The following CNIH3 variants were observed in gnomAD, a reference collection of about 807,000 sequenced individuals.
CNIH3 encodes the protein cornichon family AMPA receptor auxiliary protein 3.
Under a neutral mutation model 24.1 loss-of-function variants are expected in CNIH3, and 14 were observed. That is an observed-to-expected ratio of 0.58 (90% CI 0.38 to 0.91). The LOEUF (loss-of-function observed/expected upper bound fraction) is 0.91, where lower values mean the gene tolerates loss of function less well. Ranked by LOEUF, CNIH3 falls within the 40% of genes least tolerant of loss-of-function variation. The pLI, the probability that CNIH3 is intolerant of heterozygous loss-of-function variation, is 0.00. For synonymous variants in CNIH3, 68 were observed against 73.8 expected (o/e 0.92, Z 0.40); for missense variants, 178 against 196.8 (o/e 0.90, Z 0.57).
At chr1:224,674,311 A>G (rs1260867639) in intron 1 of CNIH3, among the ~76,000 whole-genome samples, 2 of 69,752 alleles carry the variant, frequency 2.9e-5, no homozygotes, top group South Asian at 4.4e-4. Flanking sequence ...TTTTTTTGCC[A>G]TAGTACAGCA....
intron 1 of CNIH3, among the ~76,000 whole-genome samples, chr1:224,440,375 G>A (rs960861695): frequency 1.3e-5 from 2 of 152,116 alleles, no homozygotes; most frequent in Non-Finnish European, 2.9e-5. Context: ...AACTACAGGT[G>A]CACACCACCT....
At chr1:224,659,845 G>C (rs894546189) in intron 1 of CNIH3, among the ~76,000 whole-genome samples, 1 of 152,196 alleles carries the variant, frequency 6.6e-6, no homozygotes, top group Admixed American at 6.5e-5. Context: ...TAGCATCTCA[G>C]GCCTTTTCAT....
At position 224,470,203 on chromosome 1, in the gene CNIH3, A is replaced by G. The variant is rs1393192708; in HGVS notation, n.203+35341A>G. Among the ~76,000 whole-genome samples the G allele has an allele frequency of 2.0e-5, 3 of 151,756 alleles. No homozygotes were observed. In the East Asian group the frequency reaches 5.8e-4, roughly 29 times the overall value. On this transcript the variant is annotated intron_variant and non_coding_transcript_variant, in intron 1 of 5. Transcript: ENST00000471578. ...CCGGCTAATTTTTTGTATTTTTAGT[A>G]GAGACGGGGTTTCACTGTGTTAGCC... is the stretch of plus-strand genomic sequence containing the variant.
chr1:224,460,886 C>T (rs965790290), intron 1 of CNIH3, among the ~76,000 whole-genome samples: 5 of 151,898 alleles, frequency 3.3e-5, no homozygotes, highest in Admixed American at 6.6e-5. Context: ...CCTCCCACCT[C>T]AGCCTCCTGA....
chr1:224,679,743 GT>G (rs1424866155), intron 1 of CNIH3, among the ~76,000 whole-genome samples: 1 of 152,230 alleles, frequency 6.6e-6, no homozygotes, highest in Non-Finnish European at 1.5e-5. Context: ...GTAGAGGGAA[GT>G]TGTTTTCTCT....
chr1:224,665,607 T>C (rs1211554374), intron 1 of CNIH3, among the ~76,000 whole-genome samples: 2 of 152,210 alleles, frequency 1.3e-5, no homozygotes, highest in Non-Finnish European at 2.9e-5. Flanking sequence ...GAGGCACTTG[T>C]AACCTAGTGG....
chr1:224,488,309 C>A (rs1445120304), intron 1 of CNIH3, among the ~76,000 whole-genome samples: 2 of 152,056 alleles, frequency 1.3e-5, no homozygotes, highest in Non-Finnish European at 2.9e-5. Context: ...GATAAGGGCC[C>A]ACAGGTTCCT....
At chr1:224,690,403 G>A (rs1045162110) in intron 3 of CNIH3, among the ~76,000 whole-genome samples, 1 of 152,156 alleles carries the variant, frequency 6.6e-6, no homozygotes, top group Non-Finnish European at 1.5e-5. Context: ...GTTATGCCAT[G>A]TTGGCCAGGC....
intron 1 of CNIH3, among the ~76,000 whole-genome samples, chr1:224,501,705 G>A (rs1201243316): frequency 1.3e-5 from 2 of 151,538 alleles, no homozygotes; most frequent in East Asian, 3.9e-4. Flanking sequence ...CTCAGCCTCT[G>A]GAGTAGCTGG....
chr1:224,677,376 TTG>T (rs1686188628), intron 1 of CNIH3, among the ~76,000 whole-genome samples: 1 of 152,200 alleles, frequency 6.6e-6, no homozygotes, highest in South Asian at 2.1e-4. Flanking sequence ...TTGTTGATTT[TTG>T]TGTCTCCAGT....
intron 1 of CNIH3, among the ~76,000 whole-genome samples, chr1:224,463,757 CTTATGAATTGTCCTCATT>C (rs1676029194): frequency 8.0e-6 from 1 of 125,242 alleles, no homozygotes; most frequent in Non-Finnish European, 1.6e-5. Context: ...TTTCTCCCAG[CTTATGAATTGTCCTCATT>C]TTTTTTTTTT....
At chr1:224,460,777 T>G (rs1202734172) in intron 1 of CNIH3, among the ~76,000 whole-genome samples, 1 of 151,514 alleles carries the variant, frequency 6.6e-6, no homozygotes, top group Non-Finnish European at 1.5e-5. Context: ...TTTTGGGTTT[T>G]TTTTTTTTTA....
At chr1:224,480,273 C>T (rs1282782005) in intron 1 of CNIH3, among the ~76,000 whole-genome samples, 1 of 152,210 alleles carries the variant, frequency 6.6e-6, no homozygotes, top group Non-Finnish European at 1.5e-5. Flanking sequence ...AGACCGCACA[C>T]AGCACGGGAC....
chr1:224,675,152 G>A (rs1468403864), intron 1 of CNIH3, among the ~76,000 whole-genome samples: 1 of 152,186 alleles, frequency 6.6e-6, no homozygotes, highest in African/African-American at 2.4e-5. Flanking sequence ...CAGGGGAGAT[G>A]CCTGATGAGG....
At chr1:224,463,418 T>C (rs908978695) in intron 1 of CNIH3, among the ~76,000 whole-genome samples, 11 of 152,036 alleles carry the variant, frequency 7.2e-5, no homozygotes, top group Non-Finnish European at 1.6e-4. Flanking sequence ...ACAAGTCTTT[T>C]TTTTTTTGAG....
At chr1:224,714,925 A>G (rs192153222) in intron 3 of CNIH3, among the ~76,000 whole-genome samples, 1 of 152,334 alleles carries the variant, frequency 6.6e-6, no homozygotes, top group African/African-American at 2.4e-5. Flanking sequence ...CAGTCTTCGG[A>G]CTAATCCAGA....
chr1:224,597,101 G>A (rs1033155037), intron 3 of CNIH3, among the ~76,000 whole-genome samples: 9 of 151,892 alleles, frequency 5.9e-5, no homozygotes, highest in Admixed American at 4.6e-4. Flanking sequence ...GCAGTGAGCC[G>A]AGACTGCACC....
intron 1 of CNIH3, among the ~76,000 whole-genome samples, chr1:224,663,403 T>C (rs1685452845): frequency 6.6e-6 from 1 of 152,154 alleles, no homozygotes; most frequent in Admixed American, 6.5e-5. Context: ...ACTGCAGCAG[T>C]AGCCACCATG....
chr1:224,486,190 C>T (rs1204669238), intron 1 of CNIH3, among the ~76,000 whole-genome samples: 1 of 152,122 alleles, frequency 6.6e-6, no homozygotes, highest in Non-Finnish European at 1.5e-5. Context: ...ACTGCAGCCT[C>T]CAACTCCTCT....
Sources: allele counts gnomAD v4.1 joint callset (sites outside exome capture counted in the v4.1 genomes callset), GRCh38; gene constraint gnomAD v4.1.1; transcripts MANE v1.5; gene names NCBI Gene and HGNC (gene_info 2026-07-23, HGNC 2026-07-21).